Variants in NOTCH4 observed in about 807,000 individuals in gnomAD.
The protein encoded by NOTCH4 is neurogenic locus notch homolog protein 4.
A neutral mutation model predicts 189.0 loss-of-function variants in NOTCH4; 138 were observed. That is an observed-to-expected ratio of 0.73 (90% CI 0.64 to 0.84). NOTCH4 has a LOEUF of 0.84. Among genes scored for constraint, NOTCH4 ranks in the 40% least tolerant of loss-of-function variants. The pLI, the probability that NOTCH4 is intolerant of heterozygous loss-of-function variation, is 0.00. For synonymous variants in NOTCH4, 942 were observed against 1,032.8 expected, an observed-to-expected ratio of 0.91 and a Z score of 1.69; for missense variants, 2,286 against 2,605.4, an observed-to-expected ratio of 0.88 and a Z score of 2.67.
At chr6:32,208,068 T>C (rs1422239993) in intron 18 of NOTCH4, among the ~76,000 whole-genome samples, 1 of 151,504 alleles carries the variant, frequency 6.6e-6, no homozygotes, top group African/African-American at 2.4e-5. Context: ...GCAAAAGTTT[T>C]TTGGGTAAGA....
chr6:32,204,537 A>C, intron 18 of NOTCH4, 148 bp from the exon 19 acceptor site: 1 of 869,874 alleles, frequency 1.1e-6, no homozygotes, highest in East Asian at 2.6e-5. Flanking sequence ...CATGTGTCAC[A>C]ATCCTTCTAT....
chr6:32,204,091 T>C, intron 19 of NOTCH4, 46 bp downstream of exon 19: 1 of 1,602,896 alleles, frequency 6.2e-7, no homozygotes, highest in South Asian at 1.1e-5. Flanking sequence ...ATGGTCTGCT[T>C]GGCTGTGCTC....
Position 32,219,866 on chromosome 6 carries a change from G to T in NOTCH4, c.1316-80C>A. On this transcript the variant is annotated intron_variant, in intron 7 of 29. Transcript: ENST00000375023. ...AGGTGAGACTGTCAGGGAAGGTGTG[G>T]GGGCCTGCGTGTGGCAGACGAGACC... The T allele has an allele frequency of 1.1e-5, 13 of 1,237,620 alleles. No homozygotes were observed. In the South Asian group the frequency reaches 1.8e-4, roughly 17 times the overall value. The allele number at this position is 1,237,620 out of a possible 1,614,324, so 76.7% of individuals were successfully genotyped here. A position where few individuals can be genotyped will look rare whatever the true frequency, so the allele number is the denominator to read the frequency against.
chr6:32,200,987 C>T lies in NOTCH4; in HGVS notation c.4159G>A (p.Val1387Met). Reference protein sequence around the residue: ...LSAGFVVVMGVDLSRCGPDHP... With the variant: ...LSAGFVVVMGMDLSRCGPDHP... ...TCAGGGCCACAGCGGGACAAATCCA[C>T]ACCCATGACCACCACAAACCTGTAG... Residue 1387 changes from valine to methionine, a missense_variant, in exon 23 of 30, where the codon GTG becomes ATG. Physicochemically the swap from Val to Met is conservative, Grantham distance 21 (BLOSUM62 1). Coordinates refer to ENST00000375023, the MANE Select transcript of NOTCH4 (RefSeq NM_004557.4). This position sits in a 1 kb window ranked among gnomAD's most constrained non-coding sequence, Gnocchi z 5.0. 2 of 1,574,056 alleles carry T rather than the reference C, an allele frequency of 1.3e-6. No individual in the cohort carries two copies. Among genetic ancestry groups the T allele is most frequent in the Non-Finnish European group, 8.6e-7 (1 of 1,160,368 alleles).
In NOTCH4 at chr6:32,213,158, C is replaced by G; in HGVS notation, c.2415G>C (p.Lys805Asn). 1 of 1,613,868 alleles carries G rather than the reference C, an allele frequency of 6.2e-7. No homozygotes were observed. The highest frequency in any genetic ancestry group is 1.1e-5 in the South Asian group (1 of 91,072). Residue 805 changes from lysine (K) to asparagine (N), a missense_variant, in exon 15 of 30, where the codon AAG (lysine) becomes AAC (asparagine). Physicochemically the swap from Lys to Asn is moderately conservative, Grantham distance 94 (BLOSUM62 0). Transcript: ENST00000375023. ...ACCTGTCTGCACAGCTGGGGCGGAG[C>G]TTTCCCTCACAGCGCGGGCCCTGGA... ...MGFQGPRCEG[K>N]LRPSCADSPC...
At chr6:32,214,969 G>A (rs904340335) in intron 12 of NOTCH4, among the ~76,000 whole-genome samples, 2 of 152,084 alleles carry the variant, frequency 1.3e-5, no homozygotes, top group Non-Finnish European at 2.9e-5. Context: ...TGATTAATTC[G>A]CCCTGGGATT....
chr6:32,198,534 G>GT lies in NOTCH4; in HGVS notation c.4642dup (p.Thr1548AsnfsTer27), dbSNP rs1561914503. On this transcript the variant is annotated frameshift_variant, in exon 26 of 30. Transcript: ENST00000375023. LOFTEE classifies it high-confidence loss of function. This position sits in a 1 kb window ranked among gnomAD's most constrained non-coding sequence, Gnocchi z 5.5. The stretch of plus-strand genomic sequence containing the variant: ...ACCACTCAGAGACCAGAGCTGGCAC[G>GT]TGGAGGGTGGGCCTGTTTCTTCAGC... The GT allele has an allele frequency of 6.2e-7, 1 of 1,613,022 alleles. No homozygotes were observed. Among genetic ancestry groups the GT allele is most frequent in the South Asian group, 1.1e-5 (1 of 91,070 alleles).
Position 32,212,839 on chromosome 6 carries a change from G to T in NOTCH4, c.2511C>A (p.Thr837=). 6.5e-7 allele frequency: 1 copy of T among 1,545,752 alleles called. No individual in the cohort carries two copies. The highest frequency in any genetic ancestry group is 8.7e-7 in the Non-Finnish European group (1 of 1,144,344). Residue 837 remains threonine (T), a synonymous_variant, in exon 16 of 30, where the codon ACC becomes ACA. Transcript: ENST00000375023. The surrounding 1 kb of genome is among the most constrained non-coding windows in gnomAD (Gnocchi z 4.4). ...TGGCCCTCACCTGGCAGCTGCCTCC[G>T]GTGTAGCCAGTGGGGCAGAGGCAGC... The part of the protein sequence containing the change: ...GPRCLCPTGY[T]GGSCQTLMDL...
At chr6:32,207,534 G>T (rs1788756374) in intron 18 of NOTCH4, among the ~76,000 whole-genome samples, 1 of 151,380 alleles carries the variant, frequency 6.6e-6, no homozygotes, top group Non-Finnish European at 1.5e-5. Flanking sequence ...TGAGGCAGGA[G>T]AATCAGTTGA....
intron 27 of NOTCH4, 63 bp from the exon 28 acceptor site, chr6:32,197,135 A>T: frequency 6.3e-7 from 1 of 1,583,632 alleles, no homozygotes; most frequent in South Asian, 1.1e-5. Flanking sequence ...AGTTCCTTAC[A>T]CTATTAACCC....
At position 32,218,069 on chromosome 6, in the gene NOTCH4, C is replaced by T. The variant is rs773889940; in HGVS notation, c.1550G>A (p.Cys517Tyr). 17 of 1,613,880 alleles carry T rather than the reference C, an allele frequency of 1.1e-5. No individual in the cohort carries two copies. Among genetic ancestry groups the T allele is most frequent in the Non-Finnish European group, 1.0e-5 (12 of 1,179,868 alleles). Reference sequence around the variant, plus strand: ...GTGGTTCAGGCAGGGAGCTGAGGCACACTCGTTGGTCTCCACCTCACAGAG... The same window carrying T: ...GTGGTTCAGGCAGGGAGCTGAGGCATACTCGTTGGTCTCCACCTCACAGAG... ...GQLCEVETNE[C>Y]ASAPCLNHAD... Residue 517 changes from cysteine (C) to tyrosine (Y), a missense_variant, in exon 9 of 30, where the codon TGT becomes TAT. Physicochemically the swap from Cys to Tyr is radical, Grantham distance 194. This residue lies in a region of NOTCH4 where 1,903 missense variants were observed against 2,261.9 expected (regional missense o/e 0.84). Coordinates refer to ENST00000375023, the MANE Select transcript of NOTCH4 (RefSeq NM_004557.4).
At chr6:32,206,907 C>T (rs1435127495) in intron 18 of NOTCH4, among the ~76,000 whole-genome samples, 1 of 151,800 alleles carries the variant, frequency 6.6e-6, no homozygotes. Context: ...CATTTAACAG[C>T]CAACTTACTT....
chr6:32,214,143 C>A lies in NOTCH4; in HGVS notation c.2134G>T (p.Gly712Cys). Residue 712 changes from glycine (G) to cysteine (C), a missense_variant, in exon 13 of 30, where the codon GGC becomes TGC. Physicochemically the swap from Gly to Cys is radical, Grantham distance 159. This residue lies in a region of NOTCH4 where 1,903 missense variants were observed against 2,261.9 expected (regional missense o/e 0.84). Transcript: ENST00000375023. ...CCTGTAGGGCAGGTGCAGTTGTAGCCAGAGGGCTGGGGGTAGCAGGTCCCC... is the reference window on the plus strand; with the variant it reads ...CCTGTAGGGCAGGTGCAGTTGTAGCAAGAGGGCTGGGGGTAGCAGGTCCCC... ...HGGTCYPQPS[G>C]YNCTCPTGYT... 1 of 1,613,410 alleles carries A rather than the reference C, an allele frequency of 6.2e-7. No individual in the cohort carries two copies. Among genetic ancestry groups the A allele is most frequent in the Non-Finnish European group, 8.5e-7 (1 of 1,179,752 alleles).
chr6:32,220,908 G>A, intron 4 of NOTCH4, 30 bp from the exon 5 acceptor site: 1 of 1,608,908 alleles, frequency 6.2e-7, no homozygotes, highest in South Asian at 1.1e-5. Context: ...GCTGTGGGAG[G>A]AGGCTCCAAC....
intron 18 of NOTCH4, among the ~76,000 whole-genome samples, chr6:32,207,681 A>G (rs141048173): frequency 0.013 from 2,000 of 150,996 alleles, 19 homozygotes; most frequent in Middle Eastern, 0.02. Flanking sequence ...ATCTGTCATC[A>G]TATACAAAAT....
In NOTCH4 at chr6:32,195,473, T is replaced by C. The variant is rs1787805111; in HGVS notation, c.5976A>G (p.Glu1992=). Reference sequence around the variant, plus strand: ...CCTCTCCTCCTTGGTTTATGGGCATTTCTTGGAGGGCTGGGGGACCACAGT... The same window carrying C: ...CCTCTCCTCCTTGGTTTATGGGCATCTCTTGGAGGGCTGGGGGACCACAGT... ...QLDCGPPALQ[E]MPINQGGEGK... is the part of the protein sequence containing the mutation. The change falls in exon 30 of 30, where the codon GAA becomes GAG. Residue 1992 remains glutamate, a synonymous_variant. Transcript: ENST00000375023. The surrounding 1 kb of genome is among the most constrained non-coding windows in gnomAD (Gnocchi z 5.4). 2 of 1,611,320 alleles carry C rather than the reference T, an allele frequency of 1.2e-6. No homozygotes were observed. Among genetic ancestry groups the C allele is most frequent in the Non-Finnish European group, 1.7e-6 (2 of 1,179,018 alleles).
At chr6:32,223,271 T>C (rs1396077828) in intron 1 of NOTCH4, among the ~76,000 whole-genome samples, 185 bp from the exon 2 acceptor site, 2 of 152,040 alleles carry the variant, frequency 1.3e-5, no homozygotes, top group Non-Finnish European at 2.9e-5. Context: ...TCCGTCCCAG[T>C]TACTAATCCC....
In NOTCH4 at chr6:32,200,817, A is replaced by G. The variant is rs1788289223; in HGVS notation, c.4315+14T>C. On this transcript the variant is annotated intron_variant, in intron 23 of 29. Transcript: ENST00000375023. The surrounding 1 kb of genome is among the most constrained non-coding windows in gnomAD (Gnocchi z 5.0). ...GGGAACAGAGGTCAGAGAAAGTGGC[A>G]AGGGGTCACCTACCGGTCCCTGCAT... is the stretch of plus-strand genomic sequence containing the variant. 1.3e-6 allele frequency: 2 copies of G among 1,585,676 alleles called. No homozygotes were observed. The highest frequency in any genetic ancestry group is 1.9e-4 in the Middle Eastern group (1 of 5,234).
At position 32,198,908 on chromosome 6, in the gene NOTCH4, G is replaced by T; in HGVS notation, c.4535+18C>A. On this transcript the variant is annotated intron_variant, in intron 24 of 29. Coordinates refer to ENST00000375023, the MANE Select transcript of NOTCH4 (RefSeq NM_004557.4). This position sits in a 1 kb window ranked among gnomAD's most constrained non-coding sequence, Gnocchi z 5.5. The stretch of plus-strand genomic sequence containing the variant: ...GAGAGACTCCCCTTCCTGAGCCTGG[G>T]TTTCTCCTCATTCTCACTTGAGACC... The T allele has an allele frequency of 6.5e-7, 1 of 1,536,590 alleles. No homozygotes were observed.
Sources: gnomAD v4.1 joint callset for allele counts (sites outside exome capture counted in the v4.1 genomes callset) on GRCh38, gnomAD v4.1.1 for gene constraint, gnomAD v4.1.1 regional missense constraint, Gnocchi (gnomAD v3.1) non-coding constraint, MANE v1.5 for transcripts, NCBI Gene and HGNC (gene_info 2026-07-23, HGNC 2026-07-21) for gene names.